The following PPP4R1 variants were observed in gnomAD, a reference collection of about 807,000 sequenced individuals.
PPP4R1 encodes the protein serine/threonine-protein phosphatase 4 regulatory subunit 1.
PPP4R1 carries 42 observed loss-of-function variants against 111.2 expected under a neutral mutation model. The observed-to-expected ratio is 0.38, with a 90% confidence interval of 0.29 to 0.49. The LOEUF (loss-of-function observed/expected upper bound fraction) is 0.49. Ranked by LOEUF, PPP4R1 falls within the 20% of genes least tolerant of loss-of-function variation. The pLI is 0.97. For missense variants in PPP4R1, 1,012 were observed against 1,161.6 expected (o/e 0.87, Z 1.87); for synonymous variants, 409 against 405.5 (o/e 1.01, Z -0.10).
chr18:9,591,359 A>AG (rs1568118214), intron 4 of PPP4R1, among the ~76,000 whole-genome samples: 1 of 151,794 alleles, frequency 6.6e-6, no homozygotes, highest in African/African-American at 2.4e-5. Context: ...AAAAAAAAAA[A>AG]GATACCCAAA....
chr18:9,566,388 G>A (rs1010049748), intron 11 of PPP4R1, among the ~76,000 whole-genome samples: 4 of 151,538 alleles, frequency 2.6e-5, no homozygotes, highest in South Asian at 2.1e-4. Flanking sequence ...GGTGGCTCAC[G>A]CCTGTAATCC....
intron 2 of PPP4R1, among the ~76,000 whole-genome samples, chr18:9,608,142 G>T (rs1337689698): frequency 6.6e-6 from 1 of 152,088 alleles, no homozygotes; most frequent in South Asian, 2.1e-4. Flanking sequence ...CCAAGAGAAA[G>T]AACATATATA....
chr18:9,610,345 C>A (rs2067556370), intron 2 of PPP4R1, among the ~76,000 whole-genome samples: 1 of 152,110 alleles, frequency 6.6e-6, no homozygotes, highest in Non-Finnish European at 1.5e-5. Context: ...GCTGAGATAA[C>A]CTATGTTCAA....
At chr18:9,592,030 A>G (rs542463148) in intron 4 of PPP4R1, among the ~76,000 whole-genome samples, 1 of 152,228 alleles carries the variant, frequency 6.6e-6, no homozygotes, top group South Asian at 2.1e-4. Context: ...ATATCACGCC[A>G]CTCTGCTCTA....
At chr18:9,556,033 C>T (rs1452224675) in intron 15 of PPP4R1, among the ~76,000 whole-genome samples, 2 of 150,870 alleles carry the variant, frequency 1.3e-5, no homozygotes, top group African/African-American at 2.4e-5. Flanking sequence ...TAGTGGCACG[C>T]ACCTGTAGTC....
chr18:9,613,113 G>A (rs2067610792), intron 2 of PPP4R1, among the ~76,000 whole-genome samples: 1 of 152,218 alleles, frequency 6.6e-6, no homozygotes, highest in South Asian at 2.1e-4. Context: ...GTCAATCTCA[G>A]CATCCGGTAG....
upstream of PPP4R1, among the ~76,000 whole-genome samples, chr18:9,616,429 C>T (rs1378400497): frequency 6.6e-6 from 1 of 152,134 alleles, no homozygotes; most frequent in African/African-American, 2.4e-5. Flanking sequence ...GGCCACTCCA[C>T]CTGGCCAATT....
At chr18:9,582,075 C>A (rs763592272) in intron 9 of PPP4R1, among the ~76,000 whole-genome samples, 2 of 151,980 alleles carry the variant, frequency 1.3e-5, no homozygotes, top group African/African-American at 4.8e-5. Flanking sequence ...CCATTTACCC[C>A]AGATGATAAT....
Position 9,569,491 on chromosome 18 carries a change from T to C in PPP4R1, c.1573+666A>G, listed in dbSNP as rs1468113220. On this transcript the variant is annotated intron_variant, in intron 11 of 19. Transcript: ENST00000400556. ...CTTATAAAAAGGTAATGAGTCTCTG[T>C]GCAAAATAGTTAAGGCAGAGCCCAA... is the stretch of plus-strand genomic sequence containing the variant. 3.3e-5 allele frequency among the ~76,000 whole-genome samples: 5 copies of C among 152,308 alleles called. 2 individuals are homozygous for C. The highest frequency in any genetic ancestry group is 3.3e-4 in the Admixed American group (5 of 15,300).
chr18:9,568,907 C>T (rs533990760), intron 11 of PPP4R1, among the ~76,000 whole-genome samples: 6 of 152,126 alleles, frequency 3.9e-5, no homozygotes, highest in Admixed American at 2.0e-4. Flanking sequence ...TGGTGGCGCA[C>T]GCCTGTAGTC....
chr18:9,590,789 T>C (rs898057340), intron 4 of PPP4R1, among the ~76,000 whole-genome samples: 3 of 152,108 alleles, frequency 2.0e-5, no homozygotes, highest in Non-Finnish European at 4.4e-5. Context: ...ACAATAAGGC[T>C]TCTCTGTGTT....
chr18:9,587,976 CA>C lies in PPP4R1; in HGVS notation c.585+112del. The C allele has an allele frequency of 4.4e-6, 6 of 1,359,236 alleles. No homozygotes were observed. The South Asian group carries it at 8.4e-5, about 19-fold the overall frequency. The allele number at this position is 1,359,236 out of a possible 1,614,324, so 84.2% of individuals were successfully genotyped here. A position where few individuals can be genotyped will look rare whatever the true frequency, so the allele number is the denominator to read the frequency against. On this transcript the variant is annotated intron_variant, in intron 6 of 19. Transcript: ENST00000400556. Reference sequence around the variant, plus strand: ...AAGTGATCCACCCACCTCGGCCTCCCAAAGTGCTGGAATTACAGGCATGAGC... The same window carrying C: ...AAGTGATCCACCCACCTCGGCCTCCCAAGTGCTGGAATTACAGGCATGAGC...
chr18:9,588,704 C>T lies in PPP4R1; in HGVS notation c.438+7G>A, dbSNP rs928351451. The T allele has an allele frequency of 3.7e-6, 6 of 1,602,046 alleles. No individual in the cohort carries two copies. The highest frequency in any genetic ancestry group is 1.3e-5 in the African/African-American group (1 of 74,492). On this transcript the variant is annotated splice_region_variant and intron_variant, in intron 5 of 19. Transcript: ENST00000400556. Reference sequence around the variant, plus strand: ...TTCTTTTAAGAACATATAAATGGTACTCTTACCTGATTATTCTGATCTGCA... The same window carrying T: ...TTCTTTTAAGAACATATAAATGGTATTCTTACCTGATTATTCTGATCTGCA...
At position 9,563,785 on chromosome 18, in the gene PPP4R1, T is replaced by G. The variant is rs368945319; in HGVS notation, c.1574-235A>C. 8 of 349,322 alleles carry G rather than the reference T, an allele frequency of 2.3e-5. No individual in the cohort carries two copies. In the South Asian group the frequency reaches 6.9e-4, roughly 30 times the overall value. 21.6% of individuals were successfully genotyped at this position (349,322 alleles called of 1,614,324 possible). A position where few individuals can be genotyped will look rare whatever the true frequency, so the allele number is the denominator to read the frequency against. On this transcript the variant is annotated intron_variant, in intron 11 of 19. Transcript: ENST00000400556. The stretch of plus-strand genomic sequence containing the variant: ...ATGTTTATCTGCTACTGTACATTAT[T>G]CTGCGTTAGTATGAAAAGAGAAATG...
intron 2 of PPP4R1, among the ~76,000 whole-genome samples, chr18:9,605,566 CAAAAAAA>C (rs34208690): frequency 3.7e-4 from 25 of 67,632 alleles, no homozygotes; most frequent in African/African-American, 1.1e-3. Context: ...GCAGTCCTGT[CAAAAAAA>C]AAAAAAAAAA....
At chr18:9,565,801 A>G (rs969400180) in intron 11 of PPP4R1, among the ~76,000 whole-genome samples, 11 of 152,270 alleles carry the variant, frequency 7.2e-5, no homozygotes, top group South Asian at 2.1e-4. Context: ...AGCCATCTCC[A>G]TAACATAGAA....
At position 9,570,343 on chromosome 18, in the gene PPP4R1, G is replaced by A. The variant is rs772914479; in HGVS notation, c.1387C>T (p.Leu463Phe). The A allele has an allele frequency of 4.3e-6, 7 of 1,611,584 alleles. No individual in the cohort carries two copies. Among genetic ancestry groups the A allele is most frequent in the Non-Finnish European group, 5.9e-6 (7 of 1,178,956 alleles). ...YNSFHFWRTP[L>F]PEIDLDIELE... ...TCTATGTCTAGATCTATTTCAGGAA[G>A]AGGAGTCCTCCAGAAATGGAAGGAG... Residue 463 changes from leucine to phenylalanine, a missense_variant, in exon 11 of 20, where the codon CTT becomes TTT. By Grantham distance (22) the Leu-to-Phe change is conservative. Coordinates refer to ENST00000400556, the MANE Select transcript of PPP4R1 (RefSeq NM_001042388.3).
upstream of PPP4R1, among the ~76,000 whole-genome samples, chr18:9,615,948 A>T (rs1416917169): frequency 1.3e-5 from 2 of 152,220 alleles, no homozygotes; most frequent in African/African-American, 4.8e-5. Flanking sequence ...GACAGATTAT[A>T]ATCTGTATGA....
In PPP4R1 at chr18:9,562,034, G is replaced by A. The variant is rs2066686658; in HGVS notation, c.1788C>T (p.Asp596=). ...STLHYIHSDS[D]LSNNSSFSPD... ...GGCTAAAACTGCTATTGTTGCTCAA[G>A]TCTGAATCGCTGTGAATATAGTGAA... The change falls in exon 13 of 20, where the codon GAC becomes GAT. Residue 596 remains aspartate, a synonymous_variant. Coordinates refer to ENST00000400556, the MANE Select transcript of PPP4R1 (RefSeq NM_001042388.3). 6.2e-7 allele frequency: 1 copy of A among 1,613,352 alleles called. No individual in the cohort carries two copies. Among genetic ancestry groups the A allele is most frequent in the Admixed American group, 1.7e-5 (1 of 60,016 alleles).
Sources: gnomAD v4.1 joint callset for allele counts (sites outside exome capture counted in the v4.1 genomes callset) on GRCh38, gnomAD v4.1.1 for gene constraint, MANE v1.5 for transcripts, NCBI Gene and HGNC (gene_info 2026-07-23, HGNC 2026-07-21) for gene names.